CDX4: variants seen among roughly 807,000 people sequenced by gnomAD.
CDX4 encodes caudal type homeobox 4.
Under a neutral mutation model 14.1 loss-of-function variants are expected in CDX4, and 11 were observed. That is an observed-to-expected ratio of 0.78 (90% CI 0.49 to 1.29). The LOEUF (loss-of-function observed/expected upper bound fraction) is 1.29, where lower values mean the gene tolerates loss of function less well. CDX4 is among the 50% of genes most tolerant of loss of function. The pLI, the probability that CDX4 is intolerant of heterozygous loss-of-function variation, is 0.00. For synonymous variants in CDX4, 100 were observed against 93.5 expected (o/e 1.07, Z -0.40); for missense variants, 257 against 237.4 (o/e 1.08, Z -0.54).
At chrX:73,450,729 A>T (rs1308258479) in intron 1 of CDX4, among the ~76,000 whole-genome samples, 1 of 111,931 alleles carries the variant, frequency 8.9e-6, no homozygotes, top group African/African-American at 3.2e-5. Context: ...AAAAACAGTG[A>T]AATATTACCA....
At chrX:73,448,062 G>GT (rs2057076764) in intron 1 of CDX4, among the ~76,000 whole-genome samples, 3 of 112,337 alleles carry the variant, frequency 2.7e-5, no homozygotes, top group Admixed American at 1.9e-4. Context: ...ATGCAACCCT[G>GT]TAGTTGCCCA....
chrX:73,450,477 C>T (rs1238008939), intron 1 of CDX4, among the ~76,000 whole-genome samples: 1 of 111,867 alleles, frequency 8.9e-6, no homozygotes, highest in Non-Finnish European at 1.9e-5. Flanking sequence ...TGGAGAGAGG[C>T]TTTTCTGTTA....
chrX:73,447,882 T>C, intron 1 of CDX4, 127 bp downstream of exon 1: 2 of 759,385 alleles, frequency 2.6e-6, no homozygotes, highest in Non-Finnish European at 3.8e-6. Context: ...GACCCCTATA[T>C]GGCTGGCTGG....
chrX:73,454,363 C>G lies in CDX4; in HGVS notation c.649-16C>G. On this transcript the variant is annotated splice_polypyrimidine_tract_variant and intron_variant, in intron 2 of 2. Transcript: ENST00000373514. ...TAAGTTAACTGCATTCAGTATGTTGCCCCATTGTGTTTCAGGTGAAAATCT... is the reference window on the plus strand; with the variant it reads ...TAAGTTAACTGCATTCAGTATGTTGGCCCATTGTGTTTCAGGTGAAAATCT... The G allele has an allele frequency of 8.8e-7, 1 of 1,136,027 alleles. No homozygotes were observed. The highest frequency in any genetic ancestry group is 3.0e-5 in the East Asian group (1 of 33,426). The allele number at this position is 1,136,027 out of a possible 1,213,427, so 93.6% of individuals were successfully genotyped here.
In CDX4 at chrX:73,447,702, G is replaced by A; in HGVS notation, c.449G>A (p.Ser150Asn). 1 of 1,200,659 alleles carries A rather than the reference G, an allele frequency of 8.3e-7. No homozygotes were observed. Among genetic ancestry groups the A allele is most frequent in the Non-Finnish European group, 1.1e-6 (1 of 892,817 alleles). ...DAGAAKASSP[S>N]RSRHSPYAWM... Reference sequence around the variant, plus strand: ...GGCGCCGCCAAGGCCAGTTCCCCCAGCAGGAGCCGCCACAGCCCCTATGCA... The same window carrying A: ...GGCGCCGCCAAGGCCAGTTCCCCCAACAGGAGCCGCCACAGCCCCTATGCA... The change falls in exon 1 of 3, where the codon AGC (serine) becomes AAC (asparagine). Residue 150 changes from serine to asparagine, a missense_variant. Ser to Asn is a conservative substitution (Grantham distance 46, BLOSUM62 1). Transcript: ENST00000373514.
At chrX:73,454,231 C>A (rs2057099036) in intron 2 of CDX4, 148 bp from the exon 3 acceptor site, 6 of 456,200 alleles carry the variant, frequency 1.3e-5, no homozygotes, top group Non-Finnish European at 2.3e-5. Flanking sequence ...TTTTTTCTAA[C>A]CTGTTAAGTG....
At position 73,454,369 on chromosome X, in the gene CDX4, T is replaced by C; in HGVS notation, c.649-10T>C. The C allele has an allele frequency of 8.6e-7, 1 of 1,166,212 alleles. No homozygotes were observed. The highest frequency in any genetic ancestry group is 3.0e-5 in the East Asian group (1 of 33,605). Reference sequence around the variant, plus strand: ...AACTGCATTCAGTATGTTGCCCCATTGTGTTTCAGGTGAAAATCTGGTTTC... The same window carrying C: ...AACTGCATTCAGTATGTTGCCCCATCGTGTTTCAGGTGAAAATCTGGTTTC... On this transcript the variant is annotated splice_polypyrimidine_tract_variant and intron_variant, in intron 2 of 2. Coordinates refer to ENST00000373514, the MANE Select transcript of CDX4 (RefSeq NM_005193.2).
chrX:73,450,500 AG>A (rs931239993), intron 1 of CDX4, among the ~76,000 whole-genome samples: 8 of 112,013 alleles, frequency 7.1e-5, no homozygotes, highest in Non-Finnish European at 9.4e-5. Flanking sequence ...AGTGGAAAAG[AG>A]GGGGAGAGCA....
At chrX:73,453,335 T>C (rs772791181) in intron 1 of CDX4, among the ~76,000 whole-genome samples, 182 bp from the exon 2 acceptor site, 1 of 111,852 alleles carries the variant, frequency 8.9e-6, no homozygotes, top group African/African-American at 3.2e-5. Context: ...ATTGCTATCA[T>C]AGCCACAGAT....
intron 1 of CDX4, among the ~76,000 whole-genome samples, chrX:73,448,283 G>A (rs1394958428): frequency 9.0e-6 from 1 of 110,816 alleles, no homozygotes; most frequent in African/African-American, 3.3e-5. Context: ...CTCCAGTTTA[G>A]CCACTAAGTC....
chrX:73,447,478 C>A lies in CDX4; in HGVS notation c.225C>A (p.Pro75=), dbSNP rs1211408987. 3 of 1,210,120 alleles carry A rather than the reference C, an allele frequency of 2.5e-6. No homozygotes were observed. The change falls in exon 1 of 3, where the codon CCC becomes CCA. Residue 75 remains proline (P), a synonymous_variant. Coordinates refer to ENST00000373514, the MANE Select transcript of CDX4 (RefSeq NM_005193.2). Reference sequence around the variant, plus strand: ...CGTCTCTGGGAGTCTGGGGCTCACCCTACAGTCCCCCGCGAGAAGACTGGA... The same window carrying A: ...CGTCTCTGGGAGTCTGGGGCTCACCATACAGTCCCCCGCGAGAAGACTGGA... The part of the protein sequence containing the change: ...HWPSLGVWGS[P]YSPPREDWSV...
In CDX4 at chrX:73,447,832, C is replaced by A. The variant is rs773701341; in HGVS notation, c.502+77C>A. 2.9e-4 allele frequency: 310 copies of A among 1,086,097 alleles called. 2 individuals carry two copies. In the South Asian group the frequency reaches 6.3e-3, roughly 22 times the overall value. The allele number at this position is 1,086,097 out of a possible 1,213,427, so 89.5% of individuals were successfully genotyped here. ...CTACTTCTCTTGGTCGGCCTGCCCT[C>A]GTACTTCTCAGGCCTCTCCCAAGAG... On this transcript the variant is annotated intron_variant, in intron 1 of 2. Transcript: ENST00000373514.
intron 1 of CDX4, among the ~76,000 whole-genome samples, chrX:73,450,159 TA>T (rs1302019371): frequency 9.0e-6 from 1 of 111,066 alleles, no homozygotes; most frequent in African/African-American, 3.3e-5. Context: ...TAAATAAATG[TA>T]AAAAAGGAAA....
chrX:73,448,485 A>T (rs754878203), intron 1 of CDX4, among the ~76,000 whole-genome samples: 1 of 111,937 alleles, frequency 8.9e-6, no homozygotes, highest in Admixed American at 9.4e-5. Flanking sequence ...TAACCCTCAC[A>T]CCCGCCCGAC....
intron 1 of CDX4, among the ~76,000 whole-genome samples, 169 bp downstream of exon 1, chrX:73,447,924 G>A (rs2057076436): frequency 1.8e-5 from 2 of 112,157 alleles, no homozygotes; most frequent in South Asian, 7.4e-4. Context: ...ATTCGCCTGG[G>A]CTCAAAACTC....
chrX:73,450,939 AT>A (rs1411054223), intron 1 of CDX4, among the ~76,000 whole-genome samples: 3 of 111,747 alleles, frequency 2.7e-5, no homozygotes, highest in Admixed American at 9.5e-5. Context: ...GTTATCATAT[AT>A]TATGACATTT....
At position 73,447,161 on chromosome X, in the gene CDX4, T is replaced by G; in HGVS notation, c.-93T>G. The G allele has an allele frequency of 3.0e-6, 3 of 1,013,967 alleles. No individual in the cohort carries two copies. Among genetic ancestry groups the G allele is most frequent in the Non-Finnish European group, 4.1e-6 (3 of 740,504 alleles). The allele number at this position is 1,013,967 out of a possible 1,213,427, so 83.6% of individuals were successfully genotyped here. On this transcript the variant is annotated 5_prime_UTR_variant, in exon 1 of 3. Coordinates refer to ENST00000373514, the MANE Select transcript of CDX4 (RefSeq NM_005193.2). ...AAGAGCTTGCGGCACAACTACGTACTGATAAGTTTATTCTCTGCTGCTTCT... is the reference window on the plus strand; with the variant it reads ...AAGAGCTTGCGGCACAACTACGTACGGATAAGTTTATTCTCTGCTGCTTCT...
rs762696148 is a variant in CDX4, at chrX:73,454,450, G to A, written c.720G>A (p.Glu240=). 142 of 1,205,653 alleles carry A rather than the reference G, an allele frequency of 1.2e-4. 1 individual carries two copies. In the South Asian group the frequency reaches 2.3e-3, roughly 20 times the overall value. Residue 240 remains glutamate (E), a synonymous_variant, in exon 3 of 3, where the codon GAG becomes GAA. Coordinates refer to ENST00000373514, the MANE Select transcript of CDX4 (RefSeq NM_005193.2). The part of the protein sequence containing the change: ...KMIKKKISQF[E]NSGGSVQSDS... Reference sequence around the variant, plus strand: ...TCAAAAAGAAAATCTCCCAGTTTGAGAATAGTGGAGGCTCGGTGCAAAGTG... The same window carrying A: ...TCAAAAAGAAAATCTCCCAGTTTGAAAATAGTGGAGGCTCGGTGCAAAGTG...
At chrX:73,453,379 G>A in intron 1 of CDX4, 138 bp from the exon 2 acceptor site, 1 of 490,994 alleles carries the variant, frequency 2.0e-6, no homozygotes, top group East Asian at 3.9e-5. Flanking sequence ...TGACTTTTAT[G>A]AATATTTGAT....
Sources: gnomAD v4.1 joint callset for allele counts (sites outside exome capture counted in the v4.1 genomes callset) on GRCh38, gnomAD v4.1.1 for gene constraint, MANE v1.5 for transcripts, NCBI Gene and HGNC (gene_info 2026-07-23, HGNC 2026-07-21) for gene names.